AQR: variants seen among roughly 807,000 people sequenced by gnomAD.
AQR encodes RNA helicase aquarius.
A neutral mutation model predicts 180.5 loss-of-function variants in AQR; 61 were observed. The observed-to-expected ratio is 0.34, with a 90% CI of 0.28 to 0.42. The LOEUF (loss-of-function observed/expected upper bound fraction) is 0.42. Ranked by LOEUF, AQR falls within the 10% of genes least tolerant of loss-of-function variation. The pLI is 1.00. For missense variants in AQR, 1,281 were observed against 1,798.3 expected (o/e 0.71, Z 5.20); for synonymous variants, 551 against 588.8 (o/e 0.94, Z 0.93).
chr15:34,886,635 G>A lies in AQR; in HGVS notation c.2708C>T (p.Ala903Val). The A allele has an allele frequency of 6.2e-7, 1 of 1,613,496 alleles. No homozygotes were observed. The highest frequency in any genetic ancestry group is 8.5e-7 in the Non-Finnish European group (1 of 1,179,864). The change falls in exon 25 of 35, where the codon GCT becomes GTT. Residue 903 changes from alanine to valine, a missense_variant. Physicochemically the swap from Ala to Val is moderately conservative, Grantham distance 64. Coordinates refer to ENST00000156471, the MANE Select transcript of AQR (RefSeq NM_014691.3). ...SRYGRVNYVLARRIELLEEVK... is the reference protein window; with the variant it reads ...SRYGRVNYVLVRRIELLEEVK... ...TTCTTCTAAAAGTTCTATTCTTCGA[G>A]CCAGAACATAATTAACTCTTCCATA... is the stretch of plus-strand genomic sequence containing the variant.
At chr15:34,960,328 T>C (rs556606195) in intron 3 of AQR, among the ~76,000 whole-genome samples, 153 of 152,350 alleles carry the variant, frequency 1.0e-3, no homozygotes, top group Non-Finnish European at 1.9e-3. Context: ...AAAAGATGAT[T>C]TATTGAAACT....
Position 34,910,322 on chromosome 15 carries a change from A to G in AQR, c.1485-9T>C, listed in dbSNP as rs1211705770. 1 of 1,609,428 alleles carries G rather than the reference A, an allele frequency of 6.2e-7. No individual in the cohort carries two copies. The highest frequency in any genetic ancestry group is 1.3e-5 in the African/African-American group (1 of 74,816). ...CGCCATATTCAGATTGCCTGAAACCAAAGAAATGGATGATTACTCAAACAA... is the reference window on the plus strand; with the variant it reads ...CGCCATATTCAGATTGCCTGAAACCGAAGAAATGGATGATTACTCAAACAA... On this transcript the variant is annotated splice_polypyrimidine_tract_variant and intron_variant, in intron 16 of 34. Coordinates refer to ENST00000156471, the MANE Select transcript of AQR (RefSeq NM_014691.3).
chr15:34,963,408 T>C (rs1469544010), intron 2 of AQR, among the ~76,000 whole-genome samples: 1 of 152,172 alleles, frequency 6.6e-6, no homozygotes, highest in Non-Finnish European at 1.5e-5. Flanking sequence ...TTATTGAATA[T>C]TACTGGACTT....
intron 16 of AQR, among the ~76,000 whole-genome samples, chr15:34,912,644 G>GA (rs910267939): frequency 5.3e-4 from 76 of 142,686 alleles, no homozygotes; most frequent in South Asian, 8.9e-4. Flanking sequence ...GGATTGGAAG[G>GA]AAAAAAAAAA....
chr15:34,881,862 G>C (rs1892977688), intron 27 of AQR, among the ~76,000 whole-genome samples: 1 of 152,120 alleles, frequency 6.6e-6, no homozygotes, highest in Non-Finnish European at 1.5e-5. Flanking sequence ...CTGGAGGGCA[G>C]GGGCACAATC....
intron 5 of AQR, 123 bp from the exon 6 acceptor site, chr15:34,944,551 A>G (rs535829501): frequency 3.1e-6 from 3 of 971,276 alleles, no homozygotes; most frequent in Admixed American, 6.7e-5. Flanking sequence ...GGTTATTTGT[A>G]TATGTATAAA....
rs1360643691 is a variant in AQR, at chr15:34,927,094, G to A, written c.1059C>T (p.Leu353=). The A allele has an allele frequency of 1.3e-6, 2 of 1,594,550 alleles. No homozygotes were observed. Among genetic ancestry groups the A allele is most frequent in the East Asian group, 2.3e-5 (1 of 44,062 alleles). ...GAGTATCTACTTCTGCCACATTTGA[G>A]AGGGCAAAATCATAGAGTTCAGGAA... ...AHFPELYDFA[L]SNVAEVDTRE... The change falls in exon 13 of 35, where the codon CTC becomes CTT. Residue 353 remains leucine, a synonymous_variant. Transcript: ENST00000156471.
chr15:34,878,676 T>C (rs183141246), intron 27 of AQR, among the ~76,000 whole-genome samples: 5 of 152,290 alleles, frequency 3.3e-5, no homozygotes, highest in African/African-American at 9.6e-5. Context: ...ATGATCAACA[T>C]TGAATTAATA....
chr15:34,916,599 C>T (rs1052979800), intron 15 of AQR, among the ~76,000 whole-genome samples: 1 of 151,816 alleles, frequency 6.6e-6, no homozygotes, highest in Admixed American at 6.6e-5. Context: ...CTTTGCAACA[C>T]TCACTGAATT....
At chr15:34,960,196 G>A (rs1160869981) in intron 3 of AQR, among the ~76,000 whole-genome samples, 1 of 152,112 alleles carries the variant, frequency 6.6e-6, no homozygotes, top group African/African-American at 2.4e-5. Context: ...TTTTTTAAAA[G>A]AAGCATGATG....
At chr15:34,931,082 G>A (rs971489557) in intron 11 of AQR, among the ~76,000 whole-genome samples, 3 of 151,916 alleles carry the variant, frequency 2.0e-5, no homozygotes, top group East Asian at 1.9e-4. Context: ...ATGATCCGCC[G>A]GCCTCGGCCT....
chr15:34,927,159 AT>A (rs1213497621), intron 12 of AQR, 21 bp from the exon 13 acceptor site: 1 of 1,395,862 alleles, frequency 7.2e-7, no homozygotes, highest in Non-Finnish European at 9.9e-7. Flanking sequence ...ATGGCAAAAA[AT>A]ATTAATAATT....
At chr15:34,858,851 G>A (rs947618242) in intron 34 of AQR, among the ~76,000 whole-genome samples, 1 of 152,110 alleles carries the variant, frequency 6.6e-6, no homozygotes, top group Non-Finnish European at 1.5e-5. Flanking sequence ...TCGCCTATTA[G>A]GGAAGTGGTG....
intron 22 of AQR, among the ~76,000 whole-genome samples, chr15:34,895,187 AATATATATATATATATATAT>A (rs1180797707): frequency 1.5e-4 from 2 of 12,958 alleles, no homozygotes; most frequent in Admixed American, 1.3e-3. Flanking sequence ...AAAAAAAAAA[AATATATATATATATATATAT>A]ATATATATAT....
rs1892588966 is a variant in AQR, at chr15:34,856,647, C to A, written c.*145G>T. 3 of 624,530 alleles carry A rather than the reference C, an allele frequency of 4.8e-6. No individual in the cohort carries two copies. The highest frequency in any genetic ancestry group is 3.7e-5 in the African/African-American group (2 of 53,812). 38.7% of individuals were successfully genotyped at this position (624,530 alleles called of 1,614,324 possible). On this transcript the variant is annotated 3_prime_UTR_variant, in exon 35 of 35. Coordinates refer to ENST00000156471, the MANE Select transcript of AQR (RefSeq NM_014691.3). ...TACACATAATTTAAAAAAATATATT[C>A]AAGACACCGAAATCAGTTAACAAAT...
chr15:34,876,516 T>C (rs559156116), intron 27 of AQR, among the ~76,000 whole-genome samples: 3 of 152,072 alleles, frequency 2.0e-5, no homozygotes, highest in South Asian at 4.2e-4. Flanking sequence ...AACTCTTGAG[T>C]CTATTCATTT....
chr15:34,857,111 T>TC lies in AQR; in HGVS notation c.4144-6_4144-5insG. 6.6e-7 allele frequency: 1 copy of TC among 1,520,478 alleles called. No individual in the cohort carries two copies. Among genetic ancestry groups the TC allele is most frequent in the South Asian group, 1.3e-5 (1 of 76,836 alleles). 94.2% of individuals were successfully genotyped at this position (1,520,478 alleles called of 1,614,324 possible). ...AGGTGGTAGTTGTAATAAAGTCTAATTAAAAAAAAAAAAACAAAGACAATA... is the reference window on the plus strand; with the variant it reads ...AGGTGGTAGTTGTAATAAAGTCTAATCTAAAAAAAAAAAAACAAAGACAATA... On this transcript the variant is annotated splice_region_variant and splice_polypyrimidine_tract_variant and intron_variant, in intron 34 of 34. Transcript: ENST00000156471.
intron 32 of AQR, among the ~76,000 whole-genome samples, chr15:34,865,602 G>A (rs953286383): frequency 2.6e-5 from 4 of 152,144 alleles, no homozygotes; most frequent in African/African-American, 9.7e-5. Flanking sequence ...CATAAAAATT[G>A]TATATGCATA....
intron 17 of AQR, among the ~76,000 whole-genome samples, chr15:34,907,813 G>C (rs978795075): frequency 6.6e-6 from 1 of 152,158 alleles, no homozygotes; most frequent in African/African-American, 2.4e-5. Flanking sequence ...CCAAAGAAGT[G>C]GTCCTGAGAA....
Sources: allele counts gnomAD v4.1 joint callset (sites outside exome capture counted in the v4.1 genomes callset), GRCh38; gene constraint gnomAD v4.1.1; transcripts MANE v1.5; gene names NCBI Gene and HGNC (gene_info 2026-07-23, HGNC 2026-07-21).